The following MSRA variants were observed in gnomAD, a reference collection of about 807,000 sequenced individuals.
MSRA encodes methionine sulfoxide reductase A, also known as mitochondrial peptide methionine sulfoxide reductase.
In MSRA, 54 loss-of-function variants were observed where a neutral mutation model predicts 31.3. The ratio of observed to expected loss-of-function variants is 1.73; its 90% CI spans 1.39 to 2.17. MSRA has a LOEUF of 2.17. Among genes scored for constraint, MSRA ranks in the 30% most tolerant of loss-of-function variants. The pLI, the probability that MSRA is intolerant of heterozygous loss-of-function variation, is 0.00. For synonymous variants in MSRA, 169 were observed against 116.5 expected, an observed-to-expected ratio of 1.45 and a Z score of -2.90; for missense variants, 507 against 300.9, an observed-to-expected ratio of 1.69 and a Z score of -5.07.
chr8:10,243,259 T>C (rs2272598), intron 2 of MSRA, among the ~76,000 whole-genome samples: 56,176 of 151,880 alleles, frequency 0.37, 11,410 homozygotes, highest in Non-Finnish European at 0.47. Context: ...TCCTGAACTT[T>C]AGGGGTGGGC....
intron 2 of MSRA, among the ~76,000 whole-genome samples, chr8:10,229,001 A>G (rs1011168661): frequency 1.3e-5 from 2 of 152,218 alleles, no homozygotes; most frequent in South Asian, 2.1e-4. Context: ...TGAGGAGAAG[A>G]AAAAAAGACG....
chr8:10,368,036 G>T (rs1422645857), intron 5 of MSRA, among the ~76,000 whole-genome samples: 2 of 152,196 alleles, frequency 1.3e-5, no homozygotes, highest in African/African-American at 4.8e-5. Context: ...CTGCCGGACG[G>T]TAGAATTCCC....
intron 5 of MSRA, among the ~76,000 whole-genome samples, chr8:10,415,527 C>G (rs1808404794): frequency 6.6e-6 from 1 of 152,026 alleles, no homozygotes; most frequent in Non-Finnish European, 1.5e-5. Context: ...GCAGCTGGGT[C>G]CCCAGAGACG....
chr8:10,225,981 G>A (rs1810966638), intron 2 of MSRA, among the ~76,000 whole-genome samples: 1 of 152,340 alleles, frequency 6.6e-6, no homozygotes, highest in African/African-American at 2.4e-5. Flanking sequence ...AATGGGAAGT[G>A]TGAAATTCCT....
intron 1 of MSRA, among the ~76,000 whole-genome samples, chr8:10,192,290 A>G (rs150471548): frequency 7.3e-4 from 111 of 152,352 alleles, no homozygotes; most frequent in African/African-American, 2.3e-3. Flanking sequence ...GAGTATCAGA[A>G]TTTGTGGCTA....
chr8:10,232,522 T>C (rs1811581431), intron 2 of MSRA, among the ~76,000 whole-genome samples: 3 of 152,178 alleles, frequency 2.0e-5, no homozygotes, highest in Admixed American at 2.0e-4. Flanking sequence ...GCCTCTTAGG[T>C]ATTTTTAGAG....
At chr8:10,270,532 A>G (rs190986171) in intron 3 of MSRA, among the ~76,000 whole-genome samples, 9 of 152,320 alleles carry the variant, frequency 5.9e-5, no homozygotes, top group Admixed American at 2.0e-4. Context: ...GACAGCAGTC[A>G]TGCCCAGGAT....
intron 1 of MSRA, among the ~76,000 whole-genome samples, chr8:10,182,163 T>G (rs1585110940): frequency 1.3e-5 from 2 of 152,174 alleles, no homozygotes; most frequent in Admixed American, 1.3e-4. Context: ...GTTTATCCTC[T>G]AAGCTGCAGC....
intron 1 of MSRA, among the ~76,000 whole-genome samples, chr8:10,180,535 G>A (rs1006653069): frequency 2.6e-5 from 4 of 152,092 alleles, no homozygotes; most frequent in South Asian, 2.1e-4. Flanking sequence ...TGGTTCCTCC[G>A]GGAGCCAGTC....
At chr8:10,122,318 G>A (rs910989087) in intron 1 of MSRA, among the ~76,000 whole-genome samples, 1 of 152,356 alleles carries the variant, frequency 6.6e-6, no homozygotes, top group Middle Eastern at 3.4e-3. Context: ...CACCCGCCTG[G>A]AGAAGCATAC....
At position 10,371,769 on chromosome 8, in the gene MSRA, C is replaced by T. The variant is rs117686675; in HGVS notation, c.543+51780C>T. 5.5e-3 allele frequency among the ~76,000 whole-genome samples: 834 copies of T among 152,258 alleles called. 6 individuals carry two copies. The highest frequency in any genetic ancestry group is 9.5e-3 in the Non-Finnish European group (643 of 68,026). On this transcript the variant is annotated intron_variant, in intron 5 of 5. Transcript: ENST00000317173. Reference sequence around the variant, plus strand: ...GCAAGCATAACCACGTCTGCCTTCTCCGCTGTGCCTAAGAGGAAGGACTGT... The same window carrying T: ...GCAAGCATAACCACGTCTGCCTTCTTCGCTGTGCCTAAGAGGAAGGACTGT...
chr8:10,236,727 G>C (rs1342766138), intron 2 of MSRA, among the ~76,000 whole-genome samples: 1 of 152,122 alleles, frequency 6.6e-6, no homozygotes, highest in East Asian at 1.9e-4. Context: ...GTATTTTTTA[G>C]TAGAGATGGG....
intron 3 of MSRA, among the ~76,000 whole-genome samples, chr8:10,268,754 A>G (rs904999441): frequency 2.0e-5 from 3 of 152,230 alleles, no homozygotes; most frequent in African/African-American, 4.8e-5. Context: ...GAGCAGGGCT[A>G]CAGTCTGATT....
chr8:10,182,164 A>G (rs559445588), intron 1 of MSRA, among the ~76,000 whole-genome samples: 1 of 152,228 alleles, frequency 6.6e-6, no homozygotes, highest in East Asian at 1.9e-4. Flanking sequence ...TTTATCCTCT[A>G]AGCTGCAGCA....
chr8:10,406,743 A>T (rs1468053274), intron 5 of MSRA, among the ~76,000 whole-genome samples: 4 of 152,222 alleles, frequency 2.6e-5, no homozygotes, highest in Non-Finnish European at 4.4e-5. Flanking sequence ...TTTCTCCAAA[A>T]AGTGCAATTT....
At chr8:10,069,827 C>T (rs1463400250) in intron 1 of MSRA, among the ~76,000 whole-genome samples, 1 of 152,184 alleles carries the variant, frequency 6.6e-6, no homozygotes, top group Non-Finnish European at 1.5e-5. Flanking sequence ...TAAAGAAGTT[C>T]TCTACTCTTA....
chr8:10,268,224 C>G (rs989220581), intron 3 of MSRA, among the ~76,000 whole-genome samples: 1 of 152,186 alleles, frequency 6.6e-6, no homozygotes, highest in Non-Finnish European at 1.5e-5. Context: ...GCACACCGTT[C>G]TAGCTATAAC....
chr8:10,365,859 G>C (rs992337353), intron 5 of MSRA, among the ~76,000 whole-genome samples: 1 of 152,220 alleles, frequency 6.6e-6, no homozygotes, highest in African/African-American at 2.4e-5. Context: ...ACGATGCTGT[G>C]AACCCAGGAC....
Position 10,322,974 on chromosome 8 carries a change from G to A in MSRA, c.543+2985G>A, listed in dbSNP as rs565383688. 4.4e-4 allele frequency among the ~76,000 whole-genome samples: 66 copies of A among 151,668 alleles called. 1 individual carries two copies. In the South Asian group the frequency reaches 0.013, roughly 29 times the overall value. On this transcript the variant is annotated intron_variant, in intron 5 of 5. Coordinates refer to ENST00000317173, the MANE Select transcript of MSRA (RefSeq NM_012331.5). ...GCGTGGTTACACGCACCTGTAATCC[G>A]AGCTACTGAGGAGGCTGAGGCAGGA...
Sources: gnomAD v4.1 joint callset for allele counts (sites outside exome capture counted in the v4.1 genomes callset) on GRCh38, gnomAD v4.1.1 for gene constraint, MANE v1.5 for transcripts, NCBI Gene and HGNC (gene_info 2026-07-23, HGNC 2026-07-21) for gene names.